UTP25: variants seen among roughly 807,000 people sequenced by gnomAD.
UTP25 encodes the protein U3 small nucleolar RNA-associated protein 25 homolog.
Under a neutral mutation model 78.9 loss-of-function variants are expected in UTP25, and 50 were observed. The ratio of observed to expected loss-of-function variants is 0.63; its 90% confidence interval spans 0.50 to 0.80. The LOEUF is 0.80. Ranked by LOEUF, UTP25 falls within the 30% of genes least tolerant of loss-of-function variation. UTP25 has a pLI of 0.00. For synonymous variants in UTP25, 329 were observed against 336.5 expected (o/e 0.98, Z 0.24); for missense variants, 846 against 911.3 (o/e 0.93, Z 0.92).
At chr1:209,830,042 C>T in intron 1 of UTP25, 66 bp from the exon 2 acceptor site, 1 of 1,393,378 alleles carries the variant, frequency 7.2e-7, no homozygotes, top group Non-Finnish European at 1.0e-6. Flanking sequence ...TTTAACATCT[C>T]ATTTGACCTT....
chr1:209,833,507 T>C (rs1572000652), intron 4 of UTP25, 149 bp downstream of exon 4: 6 of 677,844 alleles, frequency 8.9e-6, no homozygotes, highest in East Asian at 3.3e-5. Context: ...TTCTAAAAGG[T>C]ATTTTGTGTT....
chr1:209,836,563 G>A (rs1300101616), intron 5 of UTP25, among the ~76,000 whole-genome samples: 1 of 152,124 alleles, frequency 6.6e-6, no homozygotes, highest in African/African-American at 2.4e-5. Context: ...GAAACCTTGG[G>A]GTCTAGCCCT....
chr1:209,856,530 C>T lies in UTP25; in HGVS notation c.*5083C>T, dbSNP rs2078277399. ...TGGTGAAGAAAGGAGCTTGGTTCTG[C>T]AAGGATGTTGTAGAGCTGCCATACC... On this transcript the variant is annotated 3_prime_UTR_variant, in exon 12 of 12. Transcript: ENST00000491415. The T allele has an allele frequency of 1.3e-5, 2 of 152,258 alleles. No individual in the cohort carries two copies. Among genetic ancestry groups the T allele is most frequent in the Admixed American group, 1.3e-4 (2 of 15,280 alleles). 9.4% of individuals were successfully genotyped at this position (152,258 alleles called of 1,614,324 possible). A position where few individuals can be genotyped will look rare whatever the true frequency, so the allele number is the denominator to read the frequency against.
chr1:209,831,167 C>T (rs981547610), intron 3 of UTP25, 124 bp downstream of exon 3: 2 of 985,094 alleles, frequency 2.0e-6, no homozygotes, highest in South Asian at 3.5e-5. Flanking sequence ...TAGGGATTTA[C>T]CCTTGTTGGG....
Position 209,853,321 on chromosome 1 carries a change from T to G in UTP25, c.*1874T>G, listed in dbSNP as rs889548764. ...TAAGAAATGAGTTTATTTACCTCAT[T>G]CAGAAATGTGAGGCGAAGGGACTGT... On this transcript the variant is annotated 3_prime_UTR_variant, in exon 12 of 12. Coordinates refer to ENST00000491415, the MANE Select transcript of UTP25 (RefSeq NM_014388.7). 1 of 152,270 alleles carries G rather than the reference T, an allele frequency of 6.6e-6. No homozygotes were observed. The highest frequency in any genetic ancestry group is 6.5e-5 in the Admixed American group (1 of 15,292). The allele number at this position is 152,270 out of a possible 1,614,324, so 9.4% of individuals were successfully genotyped here.
At chr1:209,849,289 G>A (rs151250453) in intron 11 of UTP25, among the ~76,000 whole-genome samples, 3 of 152,258 alleles carry the variant, frequency 2.0e-5, no homozygotes, top group Non-Finnish European at 4.4e-5. Context: ...AGTGTATACA[G>A]CTTCTTCCCT....
intron 11 of UTP25, among the ~76,000 whole-genome samples, chr1:209,847,996 T>C (rs987496447): frequency 1.3e-5 from 2 of 152,236 alleles, no homozygotes; most frequent in South Asian, 4.1e-4. Flanking sequence ...GCAGTATGTC[T>C]CACAGTCTGG....
rs753328711 is a variant in UTP25 at position 209,856,636 on chromosome 1, C to CTA, written c.*5191_*5192dup. On this transcript the variant is annotated 3_prime_UTR_variant, in exon 12 of 12. Transcript: ENST00000491415. ...TTGTTTAAGCCATTAGGCCAGGCCTCTATTAGCCATTCCTGACTGATACAG... is the reference window on the plus strand; with the variant it reads ...TTGTTTAAGCCATTAGGCCAGGCCTCTATATTAGCCATTCCTGACTGATACAG... 1 of 152,376 alleles carries CTA rather than the reference C, an allele frequency of 6.6e-6. No homozygotes were observed. Among genetic ancestry groups the CTA allele is most frequent in the African/African-American group, 2.4e-5 (1 of 41,580 alleles). The allele number at this position is 152,376 out of a possible 1,614,324, so 9.4% of individuals were successfully genotyped here.
At chr1:209,837,782 A>C (rs764046683) in intron 6 of UTP25, among the ~76,000 whole-genome samples, 2 of 152,202 alleles carry the variant, frequency 1.3e-5, no homozygotes, top group African/African-American at 2.4e-5. Flanking sequence ...GCTCTAGTGG[A>C]TTTGAGGCCT....
intron 3 of UTP25, among the ~76,000 whole-genome samples, chr1:209,831,984 A>G (rs2102568397): frequency 6.9e-6 from 1 of 144,294 alleles, no homozygotes; most frequent in East Asian, 2.4e-4. Flanking sequence ...TATTTTTCTT[A>G]TAGCCTTATT....
At position 209,828,102 on chromosome 1, in the gene UTP25, C is replaced by T. The variant is rs2102564818; in HGVS notation, c.39C>T (p.Leu13=). The T allele has an allele frequency of 1.9e-6, 3 of 1,614,210 alleles. No homozygotes were observed. The highest frequency in any genetic ancestry group is 2.2e-5 in the East Asian group (1 of 44,870). ...GGAGCCGGAGCCAGAGCCAGCTACT[C>T]AACACCCTAACTAAAAAGCAGAAGA... ...KRGSRSQSQL[L]NTLTKKQKKH... The change falls in exon 1 of 12, where the codon CTC becomes CTT. Residue 13 remains leucine, a synonymous_variant. Transcript: ENST00000491415.
intron 1 of UTP25, among the ~76,000 whole-genome samples, chr1:209,828,657 G>A (rs968334043): frequency 6.6e-6 from 1 of 151,646 alleles, no homozygotes; most frequent in African/African-American, 2.4e-5. Flanking sequence ...ACCCACCTCG[G>A]CCTCCCAAAG....
At chr1:209,841,339 GTGGGTGGA>G (rs1264272751) in intron 8 of UTP25, among the ~76,000 whole-genome samples, 1 of 152,166 alleles carries the variant, frequency 6.6e-6, no homozygotes, top group African/African-American at 2.4e-5. Flanking sequence ...TAACTTTAGG[GTGGGTGGA>G]TGGGTGGATG....
In UTP25 at chr1:209,856,131, G is replaced by A. The variant is rs957484946; in HGVS notation, c.*4684G>A. ...TCTGTGGCTCTAAACAAGTCCTCACGACCACTTCTCAGTTTTCTCATCTTT... is the reference window on the plus strand; with the variant it reads ...TCTGTGGCTCTAAACAAGTCCTCACAACCACTTCTCAGTTTTCTCATCTTT... On this transcript the variant is annotated 3_prime_UTR_variant, in exon 12 of 12. Transcript: ENST00000491415. The A allele has an allele frequency of 1.3e-5, 2 of 152,120 alleles. No homozygotes were observed. Among genetic ancestry groups the A allele is most frequent in the African/African-American group, 4.8e-5 (2 of 41,406 alleles). The allele number at this position is 152,120 out of a possible 1,614,324, so 9.4% of individuals were successfully genotyped here. A position where few individuals can be genotyped will look rare whatever the true frequency, so the allele number is the denominator to read the frequency against.
rs962683022 is a variant in UTP25, at chr1:209,842,572, A to T, written c.1669-11A>T. Reference sequence around the variant, plus strand: ...GGCTGTCCACCTAACGCTCTTGTTGACTACTGGCAGGTGGCCGTGAGGAAT... The same window carrying T: ...GGCTGTCCACCTAACGCTCTTGTTGTCTACTGGCAGGTGGCCGTGAGGAAT... On this transcript the variant is annotated splice_polypyrimidine_tract_variant and intron_variant, in intron 9 of 11. Coordinates refer to ENST00000491415, the MANE Select transcript of UTP25 (RefSeq NM_014388.7). The T allele has an allele frequency of 2.7e-5, 43 of 1,613,628 alleles. No individual in the cohort carries two copies. The highest frequency in any genetic ancestry group is 3.6e-5 in the Non-Finnish European group (43 of 1,179,752).
chr1:209,851,591 C>G lies in UTP25; in HGVS notation c.*144C>G. On this transcript the variant is annotated 3_prime_UTR_variant, in exon 12 of 12. Transcript: ENST00000491415. ...AATGTCAGTATTATCTGACATCTTT[C>G]TTTTCAGGTCATGTGTCCCTGAAAA... The G allele has an allele frequency of 9.1e-7, 1 of 1,098,120 alleles. No individual in the cohort carries two copies. The highest frequency in any genetic ancestry group is 1.2e-6 in the Non-Finnish European group (1 of 806,048). The allele number at this position is 1,098,120 out of a possible 1,614,324, so 68.0% of individuals were successfully genotyped here. A position where few individuals can be genotyped will look rare whatever the true frequency, so the allele number is the denominator to read the frequency against.
In UTP25 at chr1:209,856,194, G is replaced by A. The variant is rs763222975; in HGVS notation, c.*4747G>A. 1 of 152,190 alleles carries A rather than the reference G, an allele frequency of 6.6e-6. No individual in the cohort carries two copies. The highest frequency in any genetic ancestry group is 6.5e-5 in the Admixed American group (1 of 15,278). 9.4% of individuals were successfully genotyped at this position (152,190 alleles called of 1,614,324 possible). A position where few individuals can be genotyped will look rare whatever the true frequency, so the allele number is the denominator to read the frequency against. On this transcript the variant is annotated 3_prime_UTR_variant, in exon 12 of 12. Transcript: ENST00000491415. ...GTAATCCCCACTAGCCTTATAGAGG[G>A]ACTGTGTGAGAAGGGAAGAGACTGC...
At chr1:209,843,422 T>A in intron 10 of UTP25, 29 bp from the exon 11 acceptor site, 1 of 1,611,444 alleles carries the variant, frequency 6.2e-7, no homozygotes, top group South Asian at 1.1e-5. Flanking sequence ...CTCTAGACAT[T>A]AATTTTGCCC....
At chr1:209,834,526 A>G (rs1432491349) in intron 4 of UTP25, among the ~76,000 whole-genome samples, 1 of 152,234 alleles carries the variant, frequency 6.6e-6, no homozygotes, top group Non-Finnish European at 1.5e-5. Flanking sequence ...GCTAGATAAG[A>G]CATGTATATA....
Sources: allele counts gnomAD v4.1 joint callset (sites outside exome capture counted in the v4.1 genomes callset), GRCh38; gene constraint gnomAD v4.1.1; transcripts MANE v1.5; gene names NCBI Gene and HGNC (gene_info 2026-07-23, HGNC 2026-07-21).